RBFOX1: variants seen among roughly 807,000 people sequenced by gnomAD.
RBFOX1 encodes the protein RNA binding protein fox-1 homolog 1.
Under a neutral mutation model 57.7 loss-of-function variants are expected in RBFOX1, and 8 were observed. The observed-to-expected ratio is 0.14, with a 90% CI of 0.08 to 0.25. The LOEUF (loss-of-function observed/expected upper bound fraction) is 0.25, where lower values mean the gene tolerates loss of function less well. Among genes scored for constraint, RBFOX1 ranks in the 10% least tolerant of loss-of-function variants. The pLI, the probability that RBFOX1 is intolerant of heterozygous loss-of-function variation, is 1.00. For synonymous variants in RBFOX1, 326 were observed against 222.4 expected, an observed-to-expected ratio of 1.47 and a Z score of -4.15; for missense variants, 611 against 548.5, an observed-to-expected ratio of 1.11 and a Z score of -1.14.
At chr16:6,558,122 T>C (rs1268347401) in intron 2 of RBFOX1, among the ~76,000 whole-genome samples, 2 of 152,186 alleles carry the variant, frequency 1.3e-5, no homozygotes, top group African/African-American at 2.4e-5. Context: ...AATCAGTGCT[T>C]TATAAGTCTT....
chr16:7,326,242 T>C (rs1016619724), intron 4 of RBFOX1, among the ~76,000 whole-genome samples: 1 of 152,192 alleles, frequency 6.6e-6, no homozygotes, highest in Non-Finnish European at 1.5e-5. Flanking sequence ...ACCTGTGTGA[T>C]AATGCCAGCT....
At chr16:6,798,718 A>G (rs887288741) in intron 3 of RBFOX1, among the ~76,000 whole-genome samples, 2 of 152,210 alleles carry the variant, frequency 1.3e-5, no homozygotes, top group African/African-American at 2.4e-5. Context: ...AAATATTTAT[A>G]CACCCAAGAT....
chr16:5,732,284 C>G (rs866239883), intron 3 of RBFOX1, among the ~76,000 whole-genome samples: 1 of 152,116 alleles, frequency 6.6e-6, no homozygotes, highest in Non-Finnish European at 1.5e-5. Flanking sequence ...TATTAAAATT[C>G]AAGAGTTTAA....
chr16:7,617,640 C>G (rs2058671966), intron 10 of RBFOX1, among the ~76,000 whole-genome samples: 1 of 152,172 alleles, frequency 6.6e-6, no homozygotes, highest in Non-Finnish European at 1.5e-5. Flanking sequence ...TGTATTAACA[C>G]TTAATCCTTG....
intron 2 of RBFOX1, among the ~76,000 whole-genome samples, chr16:6,380,330 G>A (rs557401892): frequency 1.3e-5 from 2 of 150,238 alleles, no homozygotes; most frequent in Admixed American, 1.3e-4. Flanking sequence ...GGCAGCAAAG[G>A]GAACACTGGA....
chr16:6,013,816 C>G (rs2094976277), intron 4 of RBFOX1, among the ~76,000 whole-genome samples: 1 of 151,856 alleles, frequency 6.6e-6, no homozygotes, highest in South Asian at 2.1e-4. Flanking sequence ...AATAGTGCCG[C>G]ATGGATGAAG....
intron 4 of RBFOX1, among the ~76,000 whole-genome samples, chr16:7,414,914 C>T (rs2098464212): frequency 6.6e-6 from 1 of 152,202 alleles, no homozygotes; most frequent in Non-Finnish European, 1.5e-5. Flanking sequence ...CCACGGCGCC[C>T]AGCCCTTATT....
chr16:5,834,909 C>T (rs1278567749), intron 3 of RBFOX1, among the ~76,000 whole-genome samples: 1 of 152,164 alleles, frequency 6.6e-6, no homozygotes, highest in East Asian at 1.9e-4. Flanking sequence ...TTTCAGATCT[C>T]TGAGAAACCT....
chr16:7,042,664 G>C (rs375138081), intron 3 of RBFOX1, among the ~76,000 whole-genome samples: 41 of 152,196 alleles, frequency 2.7e-4, no homozygotes, highest in African/African-American at 8.2e-4. Context: ...AGTGGCTTGC[G>C]CCTGTAATGC....
chr16:6,039,229 G>T (rs889988888), intron 1 of RBFOX1, among the ~76,000 whole-genome samples: 4 of 151,398 alleles, frequency 2.6e-5, no homozygotes, highest in African/African-American at 9.7e-5. Flanking sequence ...GTCTGAGCAG[G>T]ACAAGAGGTG....
At chr16:7,339,067 A>T (rs1375013382) in intron 4 of RBFOX1, among the ~76,000 whole-genome samples, 1 of 152,206 alleles carries the variant, frequency 6.6e-6, no homozygotes, top group African/African-American at 2.4e-5. Context: ...GGGAGGTGGC[A>T]GAGAGAATTT....
Position 6,071,496 on chromosome 16 carries a change from C to A in RBFOX1, c.-127+51504C>A, listed in dbSNP as rs111786859. Among the ~76,000 whole-genome samples the A allele has an allele frequency of 1.8e-3, 269 of 151,970 alleles. 4 individuals carry two copies. The highest frequency in any genetic ancestry group is 6.2e-3 in the African/African-American group (258 of 41,410). On this transcript the variant is annotated intron_variant, in intron 1 of 15. Coordinates refer to ENST00000550418, the MANE Select transcript of RBFOX1 (RefSeq NM_018723.4). ...CAATAACATGAGTTTACCGATATAA[C>A]AAACCTGCATGTGTAGTCCTGAACT...
chr16:7,513,313 A>T (rs1350707762), intron 4 of RBFOX1, among the ~76,000 whole-genome samples: 1 of 152,026 alleles, frequency 6.6e-6, no homozygotes, highest in East Asian at 1.9e-4. Flanking sequence ...GAATGAAGTG[A>T]ACTCCCCACC....
chr16:7,655,781 T>C (rs1350127157), intron 12 of RBFOX1, among the ~76,000 whole-genome samples: 4 of 152,214 alleles, frequency 2.6e-5, no homozygotes, highest in Non-Finnish European at 5.9e-5. Flanking sequence ...AGTATCTCAC[T>C]ACTATATTGA....
intron 2 of RBFOX1, among the ~76,000 whole-genome samples, chr16:5,501,835 T>A (rs529583068): frequency 3.5e-4 from 54 of 152,230 alleles, no homozygotes; most frequent in African/African-American, 1.1e-3. Flanking sequence ...TGCCTCAGCC[T>A]CCCAGTACAT....
Position 5,773,675 on chromosome 16 carries a change from C to T in RBFOX1, c.319-93628C>T, listed in dbSNP as rs539935553. On this transcript the variant is annotated intron_variant, in intron 3 of 19. Transcript: ENST00000641259. ...GATTATTTCTGAAAAATAGAATTGCCAGGTGGAAAAGCATGTGCATTTTTA... is the reference window on the plus strand; with the variant it reads ...GATTATTTCTGAAAAATAGAATTGCTAGGTGGAAAAGCATGTGCATTTTTA... Among the ~76,000 whole-genome samples the T allele has an allele frequency of 1.2e-3, 183 of 152,152 alleles. 1 individual carries two copies. Among genetic ancestry groups the T allele is most frequent in the African/African-American group, 4.1e-3 (172 of 41,518 alleles).
At chr16:6,403,705 A>G (rs993585139) in intron 2 of RBFOX1, among the ~76,000 whole-genome samples, 2 of 152,128 alleles carry the variant, frequency 1.3e-5, no homozygotes, top group African/African-American at 2.4e-5. Flanking sequence ...TGGACCCTCA[A>G]GTGCATCTGG....
At chr16:7,616,278 G>T (rs74712612) in intron 10 of RBFOX1, among the ~76,000 whole-genome samples, 1,595 of 152,316 alleles carry the variant, frequency 0.01, 35 homozygotes, top group African/African-American at 0.037. Flanking sequence ...AAGCTTCCAG[G>T]TGTCCTCTCA....
intron 1 of RBFOX1, among the ~76,000 whole-genome samples, chr16:6,041,462 T>C (rs1047137230): frequency 3.9e-5 from 6 of 152,178 alleles, no homozygotes; most frequent in Non-Finnish European, 8.8e-5. Flanking sequence ...CTGTTCTTTC[T>C]TAGTGTTTTA....
Sources: gnomAD v4.1 joint callset for allele counts (sites outside exome capture counted in the v4.1 genomes callset) on GRCh38, gnomAD v4.1.1 for gene constraint, MANE v1.5 for transcripts, NCBI Gene and HGNC (gene_info 2026-07-23, HGNC 2026-07-21) for gene names.